Variants in CD244 observed in about 807,000 individuals in gnomAD.
CD244 encodes CD244 molecule.
CD244 carries 20 observed loss-of-function variants against 45.5 expected under a neutral mutation model. That is an observed-to-expected ratio of 0.44 (90% CI 0.31 to 0.64). The LOEUF (loss-of-function observed/expected upper bound fraction) is 0.64. Among genes scored for constraint, CD244 ranks in the 30% least tolerant of loss-of-function variants. CD244 has a pLI of 0.08. For missense variants in CD244, 407 were observed against 426.9 expected (o/e 0.95, Z 0.41); for synonymous variants, 185 against 160.5 (o/e 1.15, Z -1.15).
intron 1 of CD244, among the ~76,000 whole-genome samples, chr1:160,855,487 C>T (rs1483157127): frequency 1.3e-5 from 2 of 152,176 alleles, no homozygotes; most frequent in Non-Finnish European, 2.9e-5. Context: ...GTAGACAAGT[C>T]ACTATGTCCA....
intron 1 of CD244, among the ~76,000 whole-genome samples, chr1:160,858,977 G>A (rs950872578): frequency 2.0e-5 from 3 of 152,262 alleles, no homozygotes; most frequent in East Asian, 1.9e-4. Flanking sequence ...ACAGTCTAGG[G>A]GGCTGAAGAG....
chr1:160,832,220 G>A (rs1476431361), intron 8 of CD244, among the ~76,000 whole-genome samples: 1 of 152,164 alleles, frequency 6.6e-6, no homozygotes, highest in Non-Finnish European at 1.5e-5. Flanking sequence ...TTGGAAAGGA[G>A]AGATGTCCAG....
chr1:160,858,007 A>G (rs1037962765), intron 1 of CD244, among the ~76,000 whole-genome samples: 54 of 152,044 alleles, frequency 3.6e-4, no homozygotes, highest in African/African-American at 1.3e-3. Flanking sequence ...TGATCACATC[A>G]CTGCACTCCA....
chr1:160,849,550 G>A lies in CD244; in HGVS notation c.62-7649C>T, dbSNP rs531816917. On this transcript the variant is annotated intron_variant, in intron 1 of 8. Coordinates refer to ENST00000368034, the MANE Select transcript of CD244 (RefSeq NM_016382.4). ...CCCACTTTGAGTGAGAACACGTGGTGTTTGGTTTTCTGTTCCTGTGTTAGT... is the reference window on the plus strand; with the variant it reads ...CCCACTTTGAGTGAGAACACGTGGTATTTGGTTTTCTGTTCCTGTGTTAGT... Among the ~76,000 whole-genome samples the A allele has an allele frequency of 1.6e-4, 25 of 152,248 alleles. 1 individual carries two copies. In the South Asian group the frequency reaches 4.1e-3, roughly 25 times the overall value.
intron 1 of CD244, among the ~76,000 whole-genome samples, chr1:160,861,854 A>ATAAT: frequency 1.3e-5 from 2 of 152,252 alleles, no homozygotes; most frequent in Admixed American, 1.3e-4. Context: ...AAATAAATAA[A>ATAAT]TAAAAATTAA....
intron 8 of CD244, 46 bp from the exon 9 acceptor site, chr1:160,831,473 C>A: frequency 7.6e-7 from 1 of 1,319,370 alleles, no homozygotes; most frequent in Non-Finnish European, 1.1e-6. Context: ...CTGGGAGGTC[C>A]TTATCACAAT....
chr1:160,849,304 C>CTTTTTTTTTTTTTTTTTTTTTTTTTTT (rs1557840584), intron 1 of CD244, among the ~76,000 whole-genome samples: 1 of 108,470 alleles, frequency 9.2e-6, no homozygotes, highest in African/African-American at 4.4e-5. Context: ...TTTTGTTTTA[C>CTTTTTTTTTTTTTTTTTTTTTTTTTTT]TTTAAGTTCT....
Position 160,831,389 on chromosome 1 carries a change from T to A in CD244, c.1056A>T (p.Arg352=). ...AGTTCTCCAGCTCTTTGCGGCTCAA[T>A]CGAGCAGGGTTCTGGGCTTTAGGTT... ...KSQPKAQNPA[R]LSRKELENFD... is the part of the protein sequence containing the mutation. Residue 352 remains arginine (R), a synonymous_variant, in exon 9 of 9, where the codon CGA becomes CGT. Transcript: ENST00000368034. The A allele has an allele frequency of 6.2e-7, 1 of 1,614,156 alleles. No homozygotes were observed. Among genetic ancestry groups the A allele is most frequent in the Non-Finnish European group, 8.5e-7 (1 of 1,179,984 alleles).
At chr1:160,850,694 G>A (rs1295420952) in intron 1 of CD244, among the ~76,000 whole-genome samples, 1 of 152,150 alleles carries the variant, frequency 6.6e-6, no homozygotes, top group East Asian at 1.9e-4. Flanking sequence ...TTTTTCCTCT[G>A]GTTTCACACC....
At chr1:160,848,621 T>C (rs988995838) in intron 1 of CD244, 16 of 344,746 alleles carry the variant, frequency 4.6e-5, no homozygotes, top group African/African-American at 3.4e-4. Flanking sequence ...GCTGGGTTTC[T>C]CCACTCAGCC....
At chr1:160,858,479 T>C (rs1670186548) in intron 1 of CD244, among the ~76,000 whole-genome samples, 2 of 152,174 alleles carry the variant, frequency 1.3e-5, no homozygotes, top group Middle Eastern at 3.2e-3. Context: ...GTGTGTCCTT[T>C]GGGGTTTCCT....
intron 1 of CD244, among the ~76,000 whole-genome samples, chr1:160,843,241 TTTA>T (rs1669610867): frequency 6.6e-6 from 1 of 152,334 alleles, no homozygotes; most frequent in Non-Finnish European, 1.5e-5. Flanking sequence ...CCCATTTATA[TTTA>T]TATGACTTGT....
chr1:160,855,491 A>G (rs1245314535), intron 1 of CD244, among the ~76,000 whole-genome samples: 1 of 152,180 alleles, frequency 6.6e-6, no homozygotes, highest in Non-Finnish European at 1.5e-5. Context: ...ACAAGTCACT[A>G]TGTCCAGGGT....
chr1:160,841,467 C>T lies in CD244; in HGVS notation c.398G>A (p.Arg133His), dbSNP rs755036224. The T allele has an allele frequency of 2.0e-5, 32 of 1,613,842 alleles. No individual in the cohort carries two copies. The highest frequency in any genetic ancestry group is 2.7e-5 in the African/African-American group (2 of 74,916). ...VFVFDKVEKPRLQGQGKILDR... is the reference protein window; with the variant it reads ...VFVFDKVEKPHLQGQGKILDR... ...CAGGATCTTCCCCTGCCCCTGTAGG[C>T]GGGGTTTCTCAACTTTATCTGGAAG... Residue 133 changes from arginine (R) to histidine (H), a missense_variant, in exon 3 of 9, where the codon CGC becomes CAC. Transcript: ENST00000368034.
intron 1 of CD244, among the ~76,000 whole-genome samples, chr1:160,847,527 C>CA (rs1357353258): frequency 6.6e-6 from 1 of 151,978 alleles, no homozygotes; most frequent in African/African-American, 2.4e-5. Flanking sequence ...TAGAATTAAA[C>CA]AAAAAATCAA....
intron 1 of CD244, among the ~76,000 whole-genome samples, chr1:160,843,322 C>T (rs534303780): frequency 6.6e-6 from 1 of 152,204 alleles, no homozygotes; most frequent in Non-Finnish European, 1.5e-5. Context: ...ATCTCTGTGT[C>T]TCTGTCTCCT....
chr1:160,839,086 G>T (rs776327771), intron 3 of CD244, 37 bp from the exon 4 acceptor site: 1 of 1,474,050 alleles, frequency 6.8e-7, no homozygotes, highest in Non-Finnish European at 9.4e-7. Flanking sequence ...TGAGCTGTCA[G>T]CTCGCTCTCT....
At chr1:160,855,695 C>T (rs1181799582) in intron 1 of CD244, among the ~76,000 whole-genome samples, 2 of 152,184 alleles carry the variant, frequency 1.3e-5, no homozygotes, top group East Asian at 3.8e-4. Flanking sequence ...CCCCCGGGCC[C>T]CTGCCACTGC....
At chr1:160,835,366 G>T (rs1669297307) in intron 6 of CD244, among the ~76,000 whole-genome samples, 1 of 152,162 alleles carries the variant, frequency 6.6e-6, no homozygotes, top group African/African-American at 2.4e-5. Context: ...CAGTTGACCT[G>T]AGTCTCGGTT....
Sources: gnomAD v4.1 joint callset for allele counts (sites outside exome capture counted in the v4.1 genomes callset) on GRCh38, gnomAD v4.1.1 for gene constraint, MANE v1.5 for transcripts, NCBI Gene and HGNC (gene_info 2026-07-23, HGNC 2026-07-21) for gene names.